The following DST variants were observed in gnomAD, a reference collection of about 807,000 sequenced individuals.
DST encodes dystonin.
DST carries 253 observed loss-of-function variants against 875.2 expected under a neutral mutation model. That is an observed-to-expected ratio of 0.29 (90% CI 0.26 to 0.32). The LOEUF (loss-of-function observed/expected upper bound fraction) is 0.32. DST is among the 10% of genes least tolerant of loss of function. DST has a pLI of 1.00. For missense variants in DST, 8,287 were observed against 9,111.6 expected (o/e 0.91, Z 3.68); for synonymous variants, 3,124 against 3,197.1 (o/e 0.98, Z 0.77).
At chr6:56,734,297 C>T (rs1474992335) in intron 5 of DST, among the ~76,000 whole-genome samples, 5 of 152,170 alleles carry the variant, frequency 3.3e-5, no homozygotes, top group Non-Finnish European at 7.3e-5. Context: ...TGACACACCT[C>T]TAAGGTAATT....
Position 56,641,955 on chromosome 6 carries a change from C to G in DST, c.2019G>C (p.Leu673Phe). ...ATAAGTAGCACTCTTACCTCTGTACCAATTGATCTGCCTGGTAGTATTTTC... is the reference window on the plus strand; with the variant it reads ...ATAAGTAGCACTCTTACCTCTGTACGAATTGATCTGCCTGGTAGTATTTTC... ...IDGKYYQADQ[L>F]VQRVAKLRDE... Residue 673 changes from leucine (L) to phenylalanine (F), a missense_variant, in exon 17 of 104, where the codon TTG becomes TTC. Around this residue, in one of 10 missense-constraint regions of DST, gnomAD observed 1,160 missense variants for 1,424.3 expected, o/e 0.81. Coordinates refer to ENST00000680361, the MANE Select transcript of DST (RefSeq NM_001374736.1). The G allele has an allele frequency of 1.2e-6, 2 of 1,612,332 alleles. No homozygotes were observed. The highest frequency in any genetic ancestry group is 1.7e-6 in the Non-Finnish European group (2 of 1,179,220).
intron 50 of DST, 120 bp downstream of exon 50, chr6:56,578,694 A>G: frequency 9.7e-7 from 1 of 1,031,890 alleles, no homozygotes. Context: ...ACACCATTTC[A>G]CAGAGAAAGA....
At chr6:56,904,605 C>T (rs938966231) in intron 2 of DST, among the ~76,000 whole-genome samples, 1 of 152,130 alleles carries the variant, frequency 6.6e-6, no homozygotes, top group Non-Finnish European at 1.5e-5. Context: ...GCTATGATTA[C>T]AAACACTATA....
At chr6:56,745,356 T>C (rs1304009714) in intron 4 of DST, among the ~76,000 whole-genome samples, 2 of 152,194 alleles carry the variant, frequency 1.3e-5, no homozygotes, top group Non-Finnish European at 2.9e-5. Flanking sequence ...AGAAATATTG[T>C]AAGGTGTTAA....
intron 4 of DST, among the ~76,000 whole-genome samples, chr6:56,825,306 TCGTTAAGAGTCATC>T (rs1224946077): frequency 7.4e-5 from 11 of 147,744 alleles, no homozygotes; most frequent in Non-Finnish European, 1.5e-4. Flanking sequence ...GGCAGCATGC[TCGTTAAGAGTCATC>T]ACCACTCCCT....
chr6:56,803,706 T>C lies in DST; in HGVS notation c.625+47691A>G, dbSNP rs577414311. Among the ~76,000 whole-genome samples, 3 of 152,310 alleles carry C rather than the reference T, an allele frequency of 2.0e-5. No individual in the cohort carries two copies. In the East Asian group the frequency reaches 5.8e-4, roughly 29 times the overall value. Reference sequence around the variant, plus strand: ...CATCCTGACAGACCAAGAGTTCAAATACTTTAATACTGTGGTAACCCCGAC... The same window carrying C: ...CATCCTGACAGACCAAGAGTTCAAACACTTTAATACTGTGGTAACCCCGAC... On this transcript the variant is annotated intron_variant, in intron 4 of 103. Coordinates refer to ENST00000680361, the MANE Select transcript of DST (RefSeq NM_001374736.1).
At chr6:56,723,179 A>C (rs1308295418) in intron 5 of DST, among the ~76,000 whole-genome samples, 1 of 152,228 alleles carries the variant, frequency 6.6e-6, no homozygotes, top group Non-Finnish European at 1.5e-5. Context: ...AGGGTATGAG[A>C]ATTTTAGACA....
In DST at chr6:56,605,022, A is replaced by T; in HGVS notation, c.9606T>A (p.Asp3202Glu). 2 of 1,612,964 alleles carry T rather than the reference A, an allele frequency of 1.2e-6. No homozygotes were observed. Among genetic ancestry groups the T allele is most frequent in the South Asian group, 2.2e-5 (2 of 91,056 alleles). Reference sequence around the variant, plus strand: ...CAGTTATTAAAACATGGCTTGGGACATCTTCATTTGGTTTGGCTACATCTT... The same window carrying T: ...CAGTTATTAAAACATGGCTTGGGACTTCTTCATTTGGTTTGGCTACATCTT... Reference protein sequence around the residue: ...KAKDVAKPNEDVPSHVLITAP... With the variant: ...KAKDVAKPNEEVPSHVLITAP... Residue 3202 changes from aspartate (D) to glutamate (E), a missense_variant, in exon 40 of 104, where the codon GAT (aspartate) becomes GAA (glutamate). This residue lies in a region of DST where 3,138 missense variants were observed against 3,116.6 expected (regional missense o/e 1.01). Coordinates refer to ENST00000680361, the MANE Select transcript of DST (RefSeq NM_001374736.1).
intron 4 of DST, among the ~76,000 whole-genome samples, chr6:56,815,729 A>G (rs1271670778): frequency 6.6e-6 from 1 of 152,198 alleles, no homozygotes; most frequent in Non-Finnish European, 1.5e-5. Context: ...CTGAAAGTAG[A>G]TTATAAAATA....
At chr6:56,465,466 A>G (rs2152384316) in intron 99 of DST, among the ~76,000 whole-genome samples, 1 of 152,360 alleles carries the variant, frequency 6.6e-6, no homozygotes, top group South Asian at 2.1e-4. Flanking sequence ...TTGAGAACTT[A>G]AAAATTGACA....
At chr6:56,641,221 A>G (rs1409067429) in intron 17 of DST, among the ~76,000 whole-genome samples, 1 of 151,990 alleles carries the variant, frequency 6.6e-6, no homozygotes, top group Non-Finnish European at 1.5e-5. Context: ...TTATACACGT[A>G]TTTTCTTTCA....
At chr6:56,668,360 G>C (rs942383050) in intron 10 of DST, among the ~76,000 whole-genome samples, 1 of 151,984 alleles carries the variant, frequency 6.6e-6, no homozygotes, top group African/African-American at 2.4e-5. Context: ...TTTTCTTTTC[G>C]ATTCAGCAAC....
At chr6:56,462,944 T>TTA in intron 102 of DST, 102 bp downstream of exon 102, 1 of 630,184 alleles carries the variant, frequency 1.6e-6, no homozygotes, top group African/African-American at 1.8e-5. Context: ...AGACATAGGG[T>TTA]TAGCAAAGTA....
intron 4 of DST, among the ~76,000 whole-genome samples, chr6:56,821,735 T>TA (rs1447170302): frequency 6.6e-6 from 1 of 152,212 alleles, no homozygotes; most frequent in Admixed American, 6.5e-5. Context: ...GATCCAAATT[T>TA]AAATATCACA....
intron 3 of DST, among the ~76,000 whole-genome samples, chr6:56,892,931 T>C (rs983646902): frequency 1.3e-5 from 2 of 152,240 alleles, no homozygotes; most frequent in Admixed American, 1.3e-4. Flanking sequence ...TTGTTTATTC[T>C]ATGCAGGTCT....
intron 3 of DST, chr6:56,871,422 C>T (rs919376095): frequency 2.5e-6 from 4 of 1,592,040 alleles, no homozygotes; most frequent in East Asian, 2.2e-5. Flanking sequence ...GCAGTGAGGC[C>T]GGACACAAGG....
intron 4 of DST, among the ~76,000 whole-genome samples, chr6:56,771,360 GCAAAGAGCAGTTGTC>G (rs1169039040): frequency 6.6e-6 from 1 of 152,132 alleles, no homozygotes; most frequent in East Asian, 1.9e-4. Flanking sequence ...AAAATTGTCT[GCAAAGAGCAGTTGTC>G]CAACTGACAT....
chr6:56,639,803 G>C (rs753731010), intron 19 of DST, 30 bp from the exon 20 acceptor site: 1 of 1,603,618 alleles, frequency 6.2e-7, no homozygotes, highest in Non-Finnish European at 8.5e-7. Flanking sequence ...AGACACTCCA[G>C]TCAGGAATCT....
In DST at chr6:56,604,798, C is replaced by A. The variant is rs149398146; in HGVS notation, c.9830G>T (p.Arg3277Leu). The change falls in exon 40 of 104, where the codon CGT (arginine) becomes CTT (leucine). Residue 3277 changes from arginine (R) to leucine (L), a missense_variant. Coordinates refer to ENST00000680361, the MANE Select transcript of DST (RefSeq NM_001374736.1). ...SIEATLSILSRKHVEDVGKND... is the reference protein window; with the variant it reads ...SIEATLSILSLKHVEDVGKND... ...TTTCCCAACATCTTCTACATGTTTA[C>A]GAGATAATATTGAAAGTGTGGCTTC... 2 of 1,612,800 alleles carry A rather than the reference C, an allele frequency of 1.2e-6. No individual in the cohort carries two copies. The highest frequency in any genetic ancestry group is 1.7e-5 in the Admixed American group (1 of 59,862).
Sources: gnomAD v4.1 joint callset for allele counts (sites outside exome capture counted in the v4.1 genomes callset) on GRCh38, gnomAD v4.1.1 for gene constraint, gnomAD v4.1.1 regional missense constraint, MANE v1.5 for transcripts, NCBI Gene and HGNC (gene_info 2026-07-23, HGNC 2026-07-21) for gene names.